Variants in DENND1B observed in about 807,000 individuals in gnomAD.
DENND1B encodes the protein DENN domain containing 1B.
In DENND1B, 59 loss-of-function variants were observed where a neutral mutation model predicts 90.1. The observed-to-expected ratio is 0.65, with a 90% CI of 0.53 to 0.81. The LOEUF (loss-of-function observed/expected upper bound fraction) is 0.81. DENND1B is among the 40% of genes least tolerant of loss of function. The pLI is 0.00. For missense variants in DENND1B, 862 were observed against 912.6 expected (o/e 0.94, Z 0.71); for synonymous variants, 337 against 324.6 (o/e 1.04, Z -0.41).
intron 2 of DENND1B, among the ~76,000 whole-genome samples, chr1:197,764,730 A>G (rs1472490957): frequency 6.6e-6 from 1 of 152,196 alleles, no homozygotes; most frequent in Non-Finnish European, 1.5e-5. Flanking sequence ...TAAAAAATAC[A>G]TAATAAAAAA....
intron 3 of DENND1B, among the ~76,000 whole-genome samples, chr1:197,707,672 T>A (rs569416624): frequency 2.8e-5 from 4 of 144,898 alleles, no homozygotes; most frequent in African/African-American, 1.0e-4. Context: ...ATATATAATA[T>A]AATAATATAA....
intron 20 of DENND1B, among the ~76,000 whole-genome samples, chr1:197,517,006 A>T (rs1459663503): frequency 1.3e-5 from 2 of 151,840 alleles, no homozygotes; most frequent in Admixed American, 1.3e-4. Context: ...ACATTTGGCA[A>T]ATGTACTATT....
At chr1:197,718,244 G>C (rs563019406) in intron 2 of DENND1B, among the ~76,000 whole-genome samples, 3 of 151,902 alleles carry the variant, frequency 2.0e-5, no homozygotes, top group African/African-American at 7.2e-5. Flanking sequence ...TAAAGAAAGA[G>C]GAAAAGTCCC....
intron 15 of DENND1B, among the ~76,000 whole-genome samples, chr1:197,562,182 A>C (rs1558243285): frequency 6.6e-6 from 1 of 151,930 alleles, no homozygotes; most frequent in Non-Finnish European, 1.5e-5. Flanking sequence ...TTAGAAATAA[A>C]AGTTTCACAA....
At chr1:197,658,468 C>T (rs926761887) in intron 5 of DENND1B, 99 bp from the exon 6 acceptor site, 4 of 821,476 alleles carry the variant, frequency 4.9e-6, no homozygotes, top group Admixed American at 5.0e-5. Context: ...CAGGTTAATC[C>T]TGGAGGTCAA....
At position 197,517,621 on chromosome 1, in the gene DENND1B, T is replaced by C. The variant is rs573841604; in HGVS notation, c.1516-4668A>G. ...CTTGTAGAATGTTACAGTCTGTAAA[T>C]TGCTGACAGAGTGATCTTTTTAAAA... On this transcript the variant is annotated intron_variant, in intron 20 of 22. Transcript: ENST00000620048. 6.6e-5 allele frequency among the ~76,000 whole-genome samples: 10 copies of C among 152,050 alleles called. No homozygotes were observed. The South Asian group carries it at 1.9e-3, about 28-fold the overall frequency.
chr1:197,589,640 G>C (rs1222238241), intron 14 of DENND1B, among the ~76,000 whole-genome samples: 1 of 152,138 alleles, frequency 6.6e-6, no homozygotes, highest in African/African-American at 2.4e-5. Context: ...TAAATTGCTT[G>C]AGCTTAATCA....
At chr1:197,647,840 C>T (rs950967379) in intron 7 of DENND1B, among the ~76,000 whole-genome samples, 4 of 150,938 alleles carry the variant, frequency 2.7e-5, no homozygotes, top group Non-Finnish European at 2.9e-5. Context: ...TCCAGCTACT[C>T]AGGAGGCCAA....
At chr1:197,551,517 A>C (rs967653851) in intron 16 of DENND1B, among the ~76,000 whole-genome samples, 3 of 152,148 alleles carry the variant, frequency 2.0e-5, no homozygotes, top group African/African-American at 7.2e-5. Context: ...TTAAACAATA[A>C]GGCTTTTCGT....
At chr1:197,603,439 T>C (rs1421716962) in intron 13 of DENND1B, among the ~76,000 whole-genome samples, 1 of 151,244 alleles carries the variant, frequency 6.6e-6, no homozygotes, top group Non-Finnish European at 1.5e-5. Flanking sequence ...GATTTTCTTA[T>C]CTAAAATAGG....
intron 13 of DENND1B, among the ~76,000 whole-genome samples, chr1:197,602,431 A>G (rs2125826670): frequency 6.6e-6 from 1 of 151,606 alleles, no homozygotes; most frequent in African/African-American, 2.4e-5. Context: ...TCCTGAAGTA[A>G]TAAAATGTTC....
intron 3 of DENND1B, among the ~76,000 whole-genome samples, chr1:197,704,212 C>G (rs1292135929): frequency 6.6e-6 from 1 of 152,138 alleles, no homozygotes; most frequent in Non-Finnish European, 1.5e-5. Context: ...GTCATGAGGG[C>G]ACTACTGCAC....
Position 197,612,054 on chromosome 1 carries a change from A to C in DENND1B, c.774-78T>G, listed in dbSNP as rs1338272305. 3.5e-6 allele frequency: 4 copies of C among 1,137,426 alleles called. No individual in the cohort carries two copies. The African/African-American group carries it at 4.8e-5, about 14-fold the overall frequency. The allele number at this position is 1,137,426 out of a possible 1,614,324, so 70.5% of individuals were successfully genotyped here. A position where few individuals can be genotyped will look rare whatever the true frequency, so the allele number is the denominator to read the frequency against. On this transcript the variant is annotated intron_variant, in intron 11 of 22. Transcript: ENST00000620048. ...ACAACAGTATAAGTAATTCAAAATG[A>C]TTAAAAATTAAATGTATTAAATGCT...
At chr1:197,652,146 G>A (rs1180301449) in intron 7 of DENND1B, 89 bp downstream of exon 7, 1 of 999,008 alleles carries the variant, frequency 1.0e-6, no homozygotes, top group Admixed American at 2.3e-5. Context: ...GAGATGACTT[G>A]GTAAAGAATT....
chr1:197,617,675 G>C lies in DENND1B; in HGVS notation c.757C>G (p.Leu253Val). Residue 253 changes from leucine to valine, a missense_variant, in exon 11 of 23, where the codon CTG becomes GTG. Transcript: ENST00000620048. The part of the protein sequence containing the change: ...HIYIPVLPPH[L>V]LDYCCAPMPY... ...CCAGCTTACCAGCAGTAGTCCAGCA[G>C]GTGTGGAGGAAGCACTGGGATGTAT... The C allele has an allele frequency of 1.2e-6, 2 of 1,607,150 alleles. No individual in the cohort carries two copies. Among genetic ancestry groups the C allele is most frequent in the East Asian group, 2.2e-5 (1 of 44,716 alleles).
In DENND1B at chr1:197,506,781, A is replaced by G. The variant is rs1571667276; in HGVS notation, c.*3679T>C. 2.6e-5 allele frequency: 4 copies of G among 151,588 alleles called. No individual in the cohort carries two copies. The South Asian group carries it at 8.3e-4, about 31-fold the overall frequency. 9.4% of individuals were successfully genotyped at this position (151,588 alleles called of 1,614,324 possible). A position where few individuals can be genotyped will look rare whatever the true frequency, so the allele number is the denominator to read the frequency against. ...GTTTCTACAGAACGCTGTTATTCAT[A>G]TAAAAATAGTAAAAATTGGATTCCC... On this transcript the variant is annotated 3_prime_UTR_variant, in exon 23 of 23. Coordinates refer to ENST00000620048, the MANE Select transcript of DENND1B (RefSeq NM_001195215.2).
chr1:197,693,439 A>G (rs1463275664), intron 3 of DENND1B, among the ~76,000 whole-genome samples: 2 of 151,716 alleles, frequency 1.3e-5, no homozygotes, highest in Admixed American at 6.6e-5. Context: ...CCCAAATATT[A>G]AGCAAATATT....
intron 16 of DENND1B, 120 bp downstream of exon 16, chr1:197,552,902 A>G: frequency 6.6e-7 from 1 of 1,510,184 alleles, no homozygotes; most frequent in Non-Finnish European, 8.7e-7. Flanking sequence ...TATTTAAGAC[A>G]TTACATATTT....
intron 13 of DENND1B, 62 bp from the exon 14 acceptor site, chr1:197,595,395 C>A: frequency 1.3e-6 from 2 of 1,581,266 alleles, no homozygotes; most frequent in South Asian, 2.3e-5. Flanking sequence ...GAGGTAGGAA[C>A]CCAATCAGCA....
Sources: allele counts gnomAD v4.1 joint callset (sites outside exome capture counted in the v4.1 genomes callset), GRCh38; gene constraint gnomAD v4.1.1; transcripts MANE v1.5; gene names NCBI Gene and HGNC (gene_info 2026-07-23, HGNC 2026-07-21).